Variants in PTPRD observed in about 807,000 individuals in gnomAD.
PTPRD encodes protein tyrosine phosphatase receptor type D.
Under a neutral mutation model 214.5 loss-of-function variants are expected in PTPRD, and 34 were observed. That is an observed-to-expected ratio of 0.16 (90% CI 0.12 to 0.21). PTPRD has a LOEUF of 0.21. Among genes scored for constraint, PTPRD ranks in the 10% least tolerant of loss-of-function variants. The pLI is 1.00. For synonymous variants in PTPRD, 1,128 were observed against 845.7 expected (o/e 1.33, Z -5.79); for missense variants, 2,545 against 2,398.7 (o/e 1.06, Z -1.27).
chr9:10,598,243 G>A (rs7357686), intron 2 of PTPRD, among the ~76,000 whole-genome samples: 15,047 of 151,740 alleles, frequency 0.099, 1,044 homozygotes, highest in East Asian at 0.21. Context: ...ATTATATTCA[G>A]TTTTACATAA....
intron 2 of PTPRD, among the ~76,000 whole-genome samples, chr9:10,432,216 CATAGGCGGGA>C (rs953330759): frequency 5.3e-4 from 75 of 141,828 alleles, no homozygotes; most frequent in African/African-American, 1.5e-3. Context: ...TATTCTCACT[CATAGGCGGGA>C]ATTGAACAAT....
intron 7 of PTPRD, among the ~76,000 whole-genome samples, chr9:9,727,670 T>G (rs781150834): frequency 1.4e-4 from 22 of 152,248 alleles, no homozygotes; most frequent in African/African-American, 5.3e-4. Flanking sequence ...TAATGTAATT[T>G]TTGCTTAATG....
At chr9:9,487,072 T>A (rs2095670035) in intron 8 of PTPRD, among the ~76,000 whole-genome samples, 1 of 152,144 alleles carries the variant, frequency 6.6e-6, no homozygotes, top group Admixed American at 6.6e-5. Context: ...TTATTATTAT[T>A]ATGATACTTT....
At chr9:9,196,201 G>A (rs1043456450) in intron 9 of PTPRD, among the ~76,000 whole-genome samples, 3 of 152,156 alleles carry the variant, frequency 2.0e-5, no homozygotes, top group Non-Finnish European at 2.9e-5. Flanking sequence ...TCCAAAACAT[G>A]AGTAATTACT....
intron 2 of PTPRD, among the ~76,000 whole-genome samples, chr9:10,420,570 A>T (rs1438717161): frequency 6.6e-6 from 1 of 151,808 alleles, no homozygotes; most frequent in Non-Finnish European, 1.5e-5. Flanking sequence ...GGGCTGAAGC[A>T]GATTAAAGGG....
chr9:8,482,231 G>T (rs1278196457), intron 30 of PTPRD, among the ~76,000 whole-genome samples: 1 of 152,020 alleles, frequency 6.6e-6, no homozygotes, highest in Non-Finnish European at 1.5e-5. Flanking sequence ...TCCAAGCTCA[G>T]AACTCAGAGC....
chr9:10,077,974 A>G (rs1258557162), intron 3 of PTPRD, among the ~76,000 whole-genome samples: 3 of 152,018 alleles, frequency 2.0e-5, no homozygotes, highest in Non-Finnish European at 4.4e-5. Flanking sequence ...TCATATTTGT[A>G]TCTCCTCTAC....
intron 11 of PTPRD, among the ~76,000 whole-genome samples, chr9:8,756,413 T>A (rs1286043547): frequency 6.6e-6 from 1 of 152,200 alleles, no homozygotes; most frequent in African/African-American, 2.4e-5. Context: ...ATATGTAACA[T>A]GCATGGAATA....
At chr9:9,536,194 A>G (rs1295599506) in intron 8 of PTPRD, among the ~76,000 whole-genome samples, 1 of 151,932 alleles carries the variant, frequency 6.6e-6, no homozygotes, top group Non-Finnish European at 1.5e-5. Flanking sequence ...TTTTATAACT[A>G]CATATTTTTG....
At chr9:10,492,078 G>T (rs1226031101) in intron 2 of PTPRD, among the ~76,000 whole-genome samples, 1 of 152,108 alleles carries the variant, frequency 6.6e-6, no homozygotes, top group Non-Finnish European at 1.5e-5. Context: ...ATTCCATCGT[G>T]TACATGTGCC....
chr9:8,715,452 A>G (rs1332882793), intron 12 of PTPRD, among the ~76,000 whole-genome samples: 3 of 152,168 alleles, frequency 2.0e-5, no homozygotes, highest in Non-Finnish European at 4.4e-5. Flanking sequence ...GGTGTAGAAT[A>G]TATAGAAGCT....
intron 14 of PTPRD, among the ~76,000 whole-genome samples, chr9:8,564,432 C>T (rs1298912823): frequency 6.6e-6 from 1 of 152,132 alleles, no homozygotes; most frequent in East Asian, 1.9e-4. Context: ...GGCACGGTAG[C>T]TCACACATAT....
Position 8,700,459 on chromosome 9 carries a change from G to T in PTPRD, c.64+33321C>A, listed in dbSNP as rs1597359540. The T allele has an allele frequency of 4.6e-5, 7 of 152,278 alleles. No homozygotes were observed. The South Asian group carries it at 1.4e-3, about 32-fold the overall frequency. The allele number at this position is 152,278 out of a possible 1,614,324, so 9.4% of individuals were successfully genotyped here. On this transcript the variant is annotated intron_variant, in intron 12 of 45. Transcript: ENST00000381196. ...TACAAAAAGTGTTATTCAATTACGTGGTTCCACAGCACACTGGAGGTCAGC... is the reference window on the plus strand; with the variant it reads ...TACAAAAAGTGTTATTCAATTACGTTGTTCCACAGCACACTGGAGGTCAGC...
At chr9:8,546,393 CA>C (rs2080155570) in intron 14 of PTPRD, among the ~76,000 whole-genome samples, 2 of 152,182 alleles carry the variant, frequency 1.3e-5, no homozygotes, top group Admixed American at 6.5e-5. Context: ...GCATATGATG[CA>C]GAGAATAGCA....
In PTPRD at chr9:8,633,359, C is replaced by T. The variant is rs2096313876; in HGVS notation, c.310G>A (p.Val104Met). The change falls in exon 14 of 46, where the codon GTG (valine) becomes ATG (methionine). Residue 104 changes from valine (V) to methionine (M), a missense_variant. Physicochemically the swap from Val to Met is conservative, Grantham distance 21. Coordinates refer to ENST00000381196, the MANE Select transcript of PTPRD (RefSeq NM_002839.4). Reference sequence around the variant, plus strand: ...CTGGTGGATACACTTATTTCTCCCACATTATTTGAGGCCACACATTCATAA... The same window carrying T: ...CTGGTGGATACACTTATTTCTCCCATATTATTTGAGGCCACACATTCATAA... ...AIYECVASNN[V>M]GEISVSTRLT... The T allele has an allele frequency of 2.5e-6, 4 of 1,612,644 alleles. No individual in the cohort carries two copies. The highest frequency in any genetic ancestry group is 1.7e-5 in the Admixed American group (1 of 59,890).
At chr9:9,675,960 T>C (rs1311957757) in intron 7 of PTPRD, among the ~76,000 whole-genome samples, 1 of 152,046 alleles carries the variant, frequency 6.6e-6, no homozygotes, top group African/African-American at 2.4e-5. Flanking sequence ...GTTTCAAAAA[T>C]GCTAAGACTG....
In PTPRD at chr9:8,518,275, C is replaced by A. The variant is rs574305526; in HGVS notation, c.1116G>T (p.Gly372=). 1.9e-6 allele frequency: 3 copies of A among 1,614,052 alleles called. No homozygotes were observed. The highest frequency in any genetic ancestry group is 2.2e-5 in the East Asian group (1 of 44,868). ...NSEELYKEID[G]VATTRYSVAG... is the part of the protein sequence containing the mutation. ...CGACACTGTAGCGTGTGGTCGCCAC[C>A]CCATCAATTTCTTTGTAAAGTTCCT... Residue 372 remains glycine, a synonymous_variant, in exon 21 of 46, where the codon GGG becomes GGT. Coordinates refer to ENST00000381196, the MANE Select transcript of PTPRD (RefSeq NM_002839.4).
chr9:9,219,457 G>A (rs981793013), intron 9 of PTPRD, among the ~76,000 whole-genome samples: 4 of 151,208 alleles, frequency 2.6e-5, no homozygotes, highest in African/African-American at 9.7e-5. Flanking sequence ...TAATACCAAA[G>A]ACATGTCCTT....
intron 11 of PTPRD, among the ~76,000 whole-genome samples, chr9:9,005,411 T>A (rs2099457524): frequency 7.2e-6 from 1 of 138,698 alleles, no homozygotes; most frequent in African/African-American, 2.5e-5. Context: ...ATAATGACTG[T>A]TATTAATGAT....
Sources: gnomAD v4.1 joint callset for allele counts (sites outside exome capture counted in the v4.1 genomes callset) on GRCh38, gnomAD v4.1.1 for gene constraint, MANE v1.5 for transcripts, NCBI Gene and HGNC (gene_info 2026-07-23, HGNC 2026-07-21) for gene names.